RAB18: variants seen among roughly 807,000 people sequenced by gnomAD.
RAB18 encodes the protein RAB18, member RAS oncogene family, also known as ras-related protein Rab-18.
Under a neutral mutation model 28.5 loss-of-function variants are expected in RAB18, and 10 were observed. The observed-to-expected ratio is 0.35, with a 90% CI of 0.22 to 0.60. The LOEUF is 0.60. Ranked by LOEUF, RAB18 falls within the 20% of genes least tolerant of loss-of-function variation. RAB18 has a pLI of 0.78. For missense variants in RAB18, 188 were observed against 244.2 expected (o/e 0.77, Z 1.53); for synonymous variants, 93 against 86.9 (o/e 1.07, Z -0.39).
In RAB18 at chr10:27,504,317, G is replaced by T. The variant is rs761987292; in HGVS notation, c.-53G>T. The T allele has an allele frequency of 1.1e-5, 17 of 1,532,606 alleles. No homozygotes were observed. Among genetic ancestry groups the T allele is most frequent in the African/African-American group, 1.1e-4 (8 of 73,220 alleles). The allele number at this position is 1,532,606 out of a possible 1,614,324, so 94.9% of individuals were successfully genotyped here. A position where few individuals can be genotyped will look rare whatever the true frequency, so the allele number is the denominator to read the frequency against. On this transcript the variant is annotated 5_prime_UTR_variant, in exon 1 of 7. Coordinates refer to ENST00000356940, the MANE Select transcript of RAB18 (RefSeq NM_021252.5). ...GCGCAGCAGCTCACTCTGCTGAAGG[G>T]CTGAGAGGCGCACCCGGGCGGCCAG...
At chr10:27,530,905 C>T (rs1834774954) in intron 3 of RAB18, among the ~76,000 whole-genome samples, 1 of 151,822 alleles carries the variant, frequency 6.6e-6, no homozygotes, top group South Asian at 2.1e-4. Context: ...TAATGGACTA[C>T]AATATTGACT....
chr10:27,527,483 G>A (rs908175485), intron 3 of RAB18, among the ~76,000 whole-genome samples: 39 of 151,978 alleles, frequency 2.6e-4, no homozygotes, highest in African/African-American at 9.4e-4. Context: ...GATGCTTAGT[G>A]TCTATGTTTG....
chr10:27,541,264 G>A lies in RAB18; in HGVS notation c.*3213G>A. 1 of 453,606 alleles carries A rather than the reference G, an allele frequency of 2.2e-6. No individual in the cohort carries two copies. The highest frequency in any genetic ancestry group is 4.4e-6 in the Non-Finnish European group (1 of 226,766). The allele number at this position is 453,606 out of a possible 1,614,324, so 28.1% of individuals were successfully genotyped here. On this transcript the variant is annotated 3_prime_UTR_variant, in exon 7 of 7. Transcript: ENST00000356940. The stretch of plus-strand genomic sequence containing the variant: ...CTTCACCCTGGGTTTTGCCTAAACT[G>A]TTGAAAGACGAGAATAAATAGACAT...
At position 27,532,491 on chromosome 10, in the gene RAB18, T is replaced by C; in HGVS notation, c.187-16T>C. 3.2e-6 allele frequency: 5 copies of C among 1,567,202 alleles called. No homozygotes were observed. The highest frequency in any genetic ancestry group is 4.4e-6 in the Non-Finnish European group (5 of 1,139,396). On this transcript the variant is annotated splice_polypyrimidine_tract_variant and intron_variant, in intron 3 of 6. Transcript: ENST00000356940. ...ATTTATACTTTGTTTAATTTAATAA[T>C]AATGATCATTTTTAGGATACTGCTG...
chr10:27,515,024 C>G (rs1030125834), intron 2 of RAB18, among the ~76,000 whole-genome samples: 1 of 152,150 alleles, frequency 6.6e-6, no homozygotes, highest in Non-Finnish European at 1.5e-5. Context: ...CTTGGCCTCC[C>G]AAAGTGCTGG....
chr10:27,508,284 A>T (rs1017210643), intron 1 of RAB18, among the ~76,000 whole-genome samples: 2 of 152,242 alleles, frequency 1.3e-5, no homozygotes, highest in African/African-American at 4.8e-5. Context: ...CTTACAAAGT[A>T]CTGTTAATAA....
intron 2 of RAB18, among the ~76,000 whole-genome samples, chr10:27,522,480 G>T (rs550571402): frequency 6.6e-6 from 1 of 152,224 alleles, no homozygotes; most frequent in South Asian, 2.1e-4. Flanking sequence ...AAAGCATGTA[G>T]TTGAATTTTT....
intron 3 of RAB18, among the ~76,000 whole-genome samples, chr10:27,529,405 T>A (rs1376917257): frequency 1.3e-5 from 2 of 151,994 alleles, no homozygotes; most frequent in Non-Finnish European, 2.9e-5. Flanking sequence ...TATAGTTTTA[T>A]TTATAAAATG....
intron 3 of RAB18, chr10:27,531,758 C>T (rs951691243): frequency 2.8e-5 from 14 of 500,894 alleles, no homozygotes; most frequent in Admixed American, 6.9e-5. Context: ...GAATTGGGCC[C>T]GGAAGTAAAG....
chr10:27,523,611 C>CT (rs775018935), intron 2 of RAB18, among the ~76,000 whole-genome samples: 1,844 of 131,280 alleles, frequency 0.014, 40 homozygotes, highest in African/African-American at 0.036. Flanking sequence ...CCATTTTTAC[C>CT]TTTTTTTTTT....
rs1366566638 is a variant in RAB18, at chr10:27,540,561, ATG to A, written c.*2513_*2514del. On this transcript the variant is annotated 3_prime_UTR_variant, in exon 7 of 7. Coordinates refer to ENST00000356940, the MANE Select transcript of RAB18 (RefSeq NM_021252.5). ...ATGATGTAAACCTACCTCATAAGTCATGTGACATAAAAGTTAAGGTAGTGGAG... is the reference window on the plus strand; with the variant it reads ...ATGATGTAAACCTACCTCATAAGTCATGACATAAAAGTTAAGGTAGTGGAG... The A allele has an allele frequency of 2.2e-6, 1 of 454,124 alleles. No individual in the cohort carries two copies. Among genetic ancestry groups the A allele is most frequent in the South Asian group, 1.6e-5 (1 of 64,474 alleles). The allele number at this position is 454,124 out of a possible 1,614,324, so 28.1% of individuals were successfully genotyped here. A position where few individuals can be genotyped will look rare whatever the true frequency, so the allele number is the denominator to read the frequency against.
intron 3 of RAB18, 170 bp downstream of exon 3, chr10:27,527,059 A>G (rs1834689149): frequency 1.3e-6 from 1 of 775,888 alleles, no homozygotes. Context: ...TAATTGGGTA[A>G]TTAGGCAGCT....
At chr10:27,524,773 A>G (rs1480254783) in intron 2 of RAB18, among the ~76,000 whole-genome samples, 1 of 152,230 alleles carries the variant, frequency 6.6e-6, no homozygotes, top group Non-Finnish European at 1.5e-5. Context: ...ATAAATTATC[A>G]GCCACTTAAC....
intron 2 of RAB18, among the ~76,000 whole-genome samples, chr10:27,512,512 C>G (rs1342771846): frequency 6.6e-6 from 1 of 151,966 alleles, no homozygotes; most frequent in Non-Finnish European, 1.5e-5. Flanking sequence ...GCTATGTTGG[C>G]CAGTCTGGTC....
chr10:27,522,778 T>C (rs920786206), intron 2 of RAB18, among the ~76,000 whole-genome samples: 2 of 152,154 alleles, frequency 1.3e-5, no homozygotes, highest in Non-Finnish European at 2.9e-5. Flanking sequence ...CATTTTTATC[T>C]GAATTGTCAA....
chr10:27,528,074 G>GT (rs1834715163), intron 3 of RAB18, among the ~76,000 whole-genome samples: 1 of 152,086 alleles, frequency 6.6e-6, no homozygotes, highest in Non-Finnish European at 1.5e-5. Flanking sequence ...CCATACTAAA[G>GT]TGGGGGCCTG....
rs767488036 is a variant in RAB18 at position 27,539,553 on chromosome 10, G to C, written c.*1502G>C. 1.7e-4 allele frequency: 69 copies of C among 410,896 alleles called. No homozygotes were observed. Among genetic ancestry groups the C allele is most frequent in the Non-Finnish European group, 1.9e-4 (40 of 210,736 alleles). 25.5% of individuals were successfully genotyped at this position (410,896 alleles called of 1,614,324 possible). A position where few individuals can be genotyped will look rare whatever the true frequency, so the allele number is the denominator to read the frequency against. The stretch of plus-strand genomic sequence containing the variant: ...ACTAAATATACAAGATTTACTACTA[G>C]AAATTTGGAGAAAGAACACTAACAC... On this transcript the variant is annotated 3_prime_UTR_variant, in exon 7 of 7. Coordinates refer to ENST00000356940, the MANE Select transcript of RAB18 (RefSeq NM_021252.5).
chr10:27,524,030 G>C (rs1362466392), intron 2 of RAB18, among the ~76,000 whole-genome samples: 1 of 151,680 alleles, frequency 6.6e-6, no homozygotes, highest in Non-Finnish European at 1.5e-5. Context: ...AGTGAGCCAA[G>C]ATCACTGCCA....
chr10:27,526,994 T>C (rs1834685961), intron 3 of RAB18, 105 bp downstream of exon 3: 1 of 1,224,662 alleles, frequency 8.2e-7, no homozygotes, highest in Non-Finnish European at 1.2e-6. Context: ...ACAATTTGTA[T>C]TAAATAACTT....
Sources: gnomAD v4.1 joint callset for allele counts (sites outside exome capture counted in the v4.1 genomes callset) on GRCh38, gnomAD v4.1.1 for gene constraint, MANE v1.5 for transcripts, NCBI Gene and HGNC (gene_info 2026-07-23, HGNC 2026-07-21) for gene names.